Variants in UGT2B15 observed in about 807,000 individuals in gnomAD.
UGT2B15 encodes UDP-glucuronosyltransferase 2B15.
Under a neutral mutation model 45.9 loss-of-function variants are expected in UGT2B15, and 36 were observed. That is an observed-to-expected ratio of 0.78 (90% CI 0.60 to 1.04). The LOEUF (loss-of-function observed/expected upper bound fraction) is 1.04, where lower values mean the gene tolerates loss of function less well. UGT2B15 is among the 50% of genes least tolerant of loss of function. The pLI is 0.00. For synonymous variants in UGT2B15, 219 were observed against 216.4 expected, an observed-to-expected ratio of 1.01 and a Z score of -0.11; for missense variants, 617 against 622.4, an observed-to-expected ratio of 0.99 and a Z score of 0.09.
intron 3 of UGT2B15, among the ~76,000 whole-genome samples, chr4:68,659,710 A>C (rs1428096492): frequency 1.3e-5 from 2 of 151,996 alleles, no homozygotes; most frequent in Non-Finnish European, 2.9e-5. Flanking sequence ...AGGCGATTTT[A>C]TACTCAGCCA....
chr4:68,647,406 T>C (rs776835415), intron 5 of UGT2B15, 23 bp from the exon 6 acceptor site: 1 of 1,593,296 alleles, frequency 6.3e-7, no homozygotes, highest in African/African-American at 1.3e-5. Context: ...TATAAAGATA[T>C]CAACATTAAA....
At chr4:68,653,351 A>G (rs1481380730) in intron 5 of UGT2B15, among the ~76,000 whole-genome samples, 1 of 152,044 alleles carries the variant, frequency 6.6e-6, no homozygotes, top group Non-Finnish European at 1.5e-5. Flanking sequence ...AAATAAAACT[A>G]AAACTAATTA....
intron 4 of UGT2B15, among the ~76,000 whole-genome samples, chr4:68,654,581 AT>A (rs927922057): frequency 7.2e-5 from 11 of 151,890 alleles, no homozygotes; most frequent in South Asian, 2.1e-4. Flanking sequence ...AAAATATTTA[AT>A]TTTTTTTAAA....
At chr4:68,653,120 A>G (rs972649769) in intron 5 of UGT2B15, among the ~76,000 whole-genome samples, 1 of 152,080 alleles carries the variant, frequency 6.6e-6, no homozygotes, top group African/African-American at 2.4e-5. Flanking sequence ...TTCATAAACA[A>G]CAATTTCCCA....
At chr4:68,661,204 G>A (rs1486471623) in intron 3 of UGT2B15, among the ~76,000 whole-genome samples, 1 of 151,942 alleles carries the variant, frequency 6.6e-6, no homozygotes, top group Non-Finnish European at 1.5e-5. Context: ...AAGTCACTAA[G>A]CAAATCACTG....
At chr4:68,647,456 T>G (rs1047064136) in intron 5 of UGT2B15, 73 bp from the exon 6 acceptor site, 2 of 1,466,838 alleles carry the variant, frequency 1.4e-6, no homozygotes, top group Non-Finnish European at 1.8e-6. Context: ...CTATGGATGG[T>G]CTTTGAAAAG....
intron 5 of UGT2B15, among the ~76,000 whole-genome samples, chr4:68,651,235 G>A (rs1312327305): frequency 6.6e-6 from 1 of 151,972 alleles, no homozygotes; most frequent in African/African-American, 2.4e-5. Flanking sequence ...CCATGCCTAT[G>A]TCCTGAATGA....
At chr4:68,650,372 T>A (rs868833135) in intron 5 of UGT2B15, among the ~76,000 whole-genome samples, 3 of 152,118 alleles carry the variant, frequency 2.0e-5, no homozygotes, top group African/African-American at 7.2e-5. Flanking sequence ...ATTGTTCAAC[T>A]CCCTCTTATA....
chr4:68,649,848 T>A (rs1236494616), intron 5 of UGT2B15, among the ~76,000 whole-genome samples: 1 of 151,812 alleles, frequency 6.6e-6, no homozygotes, highest in Non-Finnish European at 1.5e-5. Flanking sequence ...GCTTTTTTGT[T>A]TTTTTTTGAG....
chr4:68,669,317 A>G (rs1288894699), intron 1 of UGT2B15, among the ~76,000 whole-genome samples: 6 of 152,152 alleles, frequency 3.9e-5, no homozygotes, highest in South Asian at 2.1e-4. Flanking sequence ...AGTTTTTGAA[A>G]GAAATAATTG....
At position 68,654,210 on chromosome 4, in the gene UGT2B15, G is replaced by A; in HGVS notation, c.1140C>T (p.Gly380=). The A allele has an allele frequency of 6.2e-7, 1 of 1,613,556 alleles. No individual in the cohort carries two copies. Among genetic ancestry groups the A allele is most frequent in the East Asian group, 2.2e-5 (1 of 44,874 alleles). ...KAFITHGGTN[G]IYEAIYHGIP... is the part of the protein sequence containing the mutation. ...TCCCATGGTAGATCGCCTCATAGAT[G>A]CCATTGGTTCCACCATGAGTTATAA... The change falls in exon 5 of 6, where the codon GGC becomes GGT. Residue 380 remains glycine (G), a synonymous_variant. Coordinates refer to ENST00000338206, the MANE Select transcript of UGT2B15 (RefSeq NM_001076.4).
Position 68,658,292 on chromosome 4 carries a change from A to G in UGT2B15, c.1006-3110T>C, listed in dbSNP as rs181917302. Among the ~76,000 whole-genome samples, 880 of 141,980 alleles carry G rather than the reference A, an allele frequency of 6.2e-3. 12 individuals are homozygous for G. The highest frequency in any genetic ancestry group is 0.022 in the African/African-American group (820 of 38,034). 93.1% of individuals were successfully genotyped at this position (141,980 alleles called of 152,430 possible). ...TGGCTTAAGAAAATAAAAGTGCTTG[A>G]ATTAAATACTTTGCCAGAAAAAAAA... On this transcript the variant is annotated intron_variant, in intron 3 of 5. Coordinates refer to ENST00000338206, the MANE Select transcript of UGT2B15 (RefSeq NM_001076.4).
chr4:68,654,390 G>A, intron 4 of UGT2B15, 134 bp from the exon 5 acceptor site: 1 of 869,608 alleles, frequency 1.1e-6, no homozygotes, highest in South Asian at 2.6e-5. Context: ...CATTGAAATT[G>A]TTTTCAAATT....
Position 68,647,038 on chromosome 4 carries a change from C to A in UGT2B15, c.*66G>T, listed in dbSNP as rs1218042712. The A allele has an allele frequency of 4.1e-5, 63 of 1,534,698 alleles. 1 individual carries two copies. The highest frequency in any genetic ancestry group is 5.3e-5 in the Non-Finnish European group (60 of 1,141,396). On this transcript the variant is annotated 3_prime_UTR_variant, in exon 6 of 6. Coordinates refer to ENST00000338206, the MANE Select transcript of UGT2B15 (RefSeq NM_001076.4). ...GAAAAAGGAAATCCTCCATTTAAAA[C>A]CCTCCATGCTGAAATAAAGGAGGAG...
At chr4:68,652,395 C>T (rs1050534512) in intron 5 of UGT2B15, among the ~76,000 whole-genome samples, 1 of 151,490 alleles carries the variant, frequency 6.6e-6, no homozygotes, top group Non-Finnish European at 1.5e-5. Context: ...ACATTTAAAT[C>T]CAGCATCTTA....
intron 5 of UGT2B15, 103 bp downstream of exon 5, chr4:68,653,934 C>A (rs939457674): frequency 6.9e-7 from 1 of 1,452,132 alleles, no homozygotes; most frequent in African/African-American, 1.4e-5. Context: ...TAAATCACTT[C>A]AATCCCTTCA....
intron 2 of UGT2B15, among the ~76,000 whole-genome samples, chr4:68,664,694 G>A (rs889356689): frequency 8.6e-5 from 13 of 151,834 alleles, no homozygotes; most frequent in African/African-American, 3.1e-4. Flanking sequence ...AGTCTCCTGA[G>A]TAGCTGGGAT....
intron 2 of UGT2B15, among the ~76,000 whole-genome samples, chr4:68,666,305 G>T (rs1231127138): frequency 1.3e-5 from 2 of 152,112 alleles, no homozygotes; most frequent in Non-Finnish European, 2.9e-5. Context: ...CTTTGCTAGA[G>T]AATATAATCT....
At position 68,670,652 on chromosome 4, in the gene UGT2B15, T is replaced by A; in HGVS notation, c.-34A>T. The A allele has an allele frequency of 2.0e-6, 3 of 1,522,366 alleles. No homozygotes were observed. Among genetic ancestry groups the A allele is most frequent in the Non-Finnish European group, 1.8e-6 (2 of 1,141,326 alleles). 94.3% of individuals were successfully genotyped at this position (1,522,366 alleles called of 1,614,324 possible). A position where few individuals can be genotyped will look rare whatever the true frequency, so the allele number is the denominator to read the frequency against. On this transcript the variant is annotated 5_prime_UTR_variant, in exon 1 of 6. Transcript: ENST00000338206. ...TATGCAATGCTTCTTTTCCAGTTGTTGTTTCTTTCTGTCATTTCTCATACT... is the reference window on the plus strand; with the variant it reads ...TATGCAATGCTTCTTTTCCAGTTGTAGTTTCTTTCTGTCATTTCTCATACT...
Sources: gnomAD v4.1 joint callset for allele counts (sites outside exome capture counted in the v4.1 genomes callset) on GRCh38, gnomAD v4.1.1 for gene constraint, MANE v1.5 for transcripts, NCBI Gene and HGNC (gene_info 2026-07-23, HGNC 2026-07-21) for gene names.